GLYR1: variants seen among roughly 807,000 people sequenced by gnomAD.
GLYR1 encodes glyoxylate reductase 1 homolog, also known as cytokine-like nuclear factor N-PAC.
GLYR1 carries 21 observed loss-of-function variants against 72.7 expected under a neutral mutation model. The observed-to-expected ratio is 0.29, with a 90% CI of 0.20 to 0.42. The LOEUF is 0.42. Ranked by LOEUF, GLYR1 falls within the 10% of genes least tolerant of loss-of-function variation. The pLI is 1.00. For synonymous variants in GLYR1, 392 were observed against 270.2 expected (o/e 1.45, Z -4.42); for missense variants, 594 against 712.1 (o/e 0.83, Z 1.89).
chr16:4,823,388 C>G (rs918831607), intron 6 of GLYR1, among the ~76,000 whole-genome samples: 1 of 152,190 alleles, frequency 6.6e-6, no homozygotes, highest in African/African-American at 2.4e-5. Context: ...GACAGTGGAC[C>G]TTCATGGGCT....
At chr16:4,822,237 C>T (rs1022535499) in intron 7 of GLYR1, among the ~76,000 whole-genome samples, 2 of 152,204 alleles carry the variant, frequency 1.3e-5, no homozygotes, top group Non-Finnish European at 2.9e-5. Flanking sequence ...CAGGAATGCA[C>T]CACCATGCCC....
chr16:4,813,572 G>A (rs1168224230), intron 12 of GLYR1, among the ~76,000 whole-genome samples, 165 bp downstream of exon 12: 7 of 152,332 alleles, frequency 4.6e-5, no homozygotes, highest in East Asian at 1.9e-4. Flanking sequence ...GACTAGCTGC[G>A]GTTTGAAGGT....
chr16:4,847,098 G>A (rs1355726197), intron 1 of GLYR1, 130 bp downstream of exon 1: 8 of 870,860 alleles, frequency 9.2e-6, no homozygotes, highest in Non-Finnish European at 1.3e-5. Context: ...CGCAAGCGCC[G>A]GCACCTTCTC....
chr16:4,836,024 C>A (rs556442509), intron 3 of GLYR1, among the ~76,000 whole-genome samples: 79 of 152,192 alleles, frequency 5.2e-4, no homozygotes, highest in African/African-American at 1.9e-3. Flanking sequence ...GTCTCGAACT[C>A]CTGAACTCAA....
intron 5 of GLYR1, among the ~76,000 whole-genome samples, chr16:4,828,268 A>C (rs1183803587): frequency 6.6e-6 from 1 of 151,668 alleles, no homozygotes; most frequent in African/African-American, 2.4e-5. Context: ...ACGGGGTTTC[A>C]CCGTGTTAGC....
intron 3 of GLYR1, chr16:4,839,212 T>G (rs956227424): frequency 6.6e-6 from 1 of 152,040 alleles, no homozygotes; most frequent in Non-Finnish European, 1.5e-5. Context: ...CACACAAGCA[T>G]AGAGTATAAA....
At chr16:4,806,328 A>G (rs2082966296) in intron 15 of GLYR1, among the ~76,000 whole-genome samples, 1 of 152,022 alleles carries the variant, frequency 6.6e-6, no homozygotes, top group Non-Finnish European at 1.5e-5. Flanking sequence ...AAGTTTTTAC[A>G]TTTAATGGGA....
At chr16:4,827,670 G>GCC (rs1311528937) in intron 5 of GLYR1, among the ~76,000 whole-genome samples, 1 of 151,974 alleles carries the variant, frequency 6.6e-6, no homozygotes, top group East Asian at 1.9e-4. Context: ...GGAGGCCGAG[G>GCC]CAGGTGGATC....
intron 5 of GLYR1, among the ~76,000 whole-genome samples, chr16:4,828,360 C>T (rs756237857): frequency 9.9e-5 from 15 of 152,020 alleles, no homozygotes; most frequent in Non-Finnish European, 2.1e-4. Flanking sequence ...TGAGCCACCG[C>T]GCCCGGCAAA....
At chr16:4,824,694 G>A (rs1314707197) in intron 5 of GLYR1, among the ~76,000 whole-genome samples, 1 of 152,090 alleles carries the variant, frequency 6.6e-6, no homozygotes, top group Non-Finnish European at 1.5e-5. Flanking sequence ...GGACACAGGA[G>A]GACATGGTGA....
At chr16:4,805,631 A>C (rs1201517946) in intron 15 of GLYR1, among the ~76,000 whole-genome samples, 2 of 152,208 alleles carry the variant, frequency 1.3e-5, no homozygotes, top group Admixed American at 1.3e-4. Flanking sequence ...ACCTGAAGTC[A>C]GGAGTTCGAG....
At position 4,817,618 on chromosome 16, in the gene GLYR1, A is replaced by T; in HGVS notation, c.886T>A (p.Trp296Arg). ...CTTACTTTCTCTGCAGTGCGGTTCC[A>T]GACAGTCACTGTGTGACCCATTTTT... ...LLKMGHTVTV[W>R]NRTAEKCDLF... The change falls in exon 10 of 16, where the codon TGG (tryptophan) becomes AGG (arginine). Residue 296 changes from tryptophan to arginine, a missense_variant. Trp to Arg is a moderately radical substitution (Grantham distance 101). Transcript: ENST00000321919. 1 of 1,612,224 alleles carries T rather than the reference A, an allele frequency of 6.2e-7. No individual in the cohort carries two copies.
chr16:4,823,997 C>G (rs1317670395), intron 5 of GLYR1, 90 bp from the exon 6 acceptor site: 5 of 1,009,246 alleles, frequency 5.0e-6, no homozygotes, highest in Non-Finnish European at 6.2e-6. Context: ...AAAGTTCAAG[C>G]CAATCCCCAA....
intron 6 of GLYR1, among the ~76,000 whole-genome samples, chr16:4,823,286 T>C (rs1179781027): frequency 6.6e-6 from 1 of 152,250 alleles, no homozygotes; most frequent in African/African-American, 2.4e-5. Flanking sequence ...ACATCTATTC[T>C]GGAATTTCAG....
rs1054037850 is a variant in GLYR1 at position 4,803,715 on chromosome 16, C to T, written c.*1521G>A. 6.6e-6 allele frequency: 1 copy of T among 152,162 alleles called. No individual in the cohort carries two copies. The highest frequency in any genetic ancestry group is 1.5e-5 in the Non-Finnish European group (1 of 68,028). 9.4% of individuals were successfully genotyped at this position (152,162 alleles called of 1,614,324 possible). ...CCTCCCCCCACTCGTCTTCTGCAATCCTCTAACCCAGTTTCTAATCTCTGA... is the reference window on the plus strand; with the variant it reads ...CCTCCCCCCACTCGTCTTCTGCAATTCTCTAACCCAGTTTCTAATCTCTGA... On this transcript the variant is annotated 3_prime_UTR_variant, in exon 16 of 16. Coordinates refer to ENST00000321919, the MANE Select transcript of GLYR1 (RefSeq NM_032569.4).
rs1324378337 is a variant in GLYR1, at chr16:4,812,304, C to A, written c.1120-56G>T. On this transcript the variant is annotated intron_variant, in intron 12 of 15. Transcript: ENST00000321919. ...CTCCCCTCTCCCAGCGCTCTCTGGG[C>A]AGGACTCAAGGAGTGTTGCTGAGTG... 6 of 1,561,784 alleles carry A rather than the reference C, an allele frequency of 3.8e-6. No individual in the cohort carries two copies. The African/African-American group carries it at 8.2e-5, about 21-fold the overall frequency.
chr16:4,818,334 G>A (rs2083786145), intron 9 of GLYR1, among the ~76,000 whole-genome samples: 1 of 151,888 alleles, frequency 6.6e-6, no homozygotes, highest in Admixed American at 6.6e-5. Context: ...TTGTTCTGTT[G>A]CCCAGGCTGC....
chr16:4,843,688 G>A, intron 3 of GLYR1: 1 of 1,232,502 alleles, frequency 8.1e-7, no homozygotes, highest in Non-Finnish European at 1.1e-6. Flanking sequence ...CGCTTTCTAA[G>A]TAGAAATACT....
At chr16:4,838,046 TTGG>T in intron 3 of GLYR1, among the ~76,000 whole-genome samples, 1 of 151,916 alleles carries the variant, frequency 6.6e-6, no homozygotes, top group Non-Finnish European at 1.5e-5. Flanking sequence ...CCATTTGGAT[TTGG>T]TGAATACTTA....
Sources: allele counts gnomAD v4.1 joint callset (sites outside exome capture counted in the v4.1 genomes callset), GRCh38; gene constraint gnomAD v4.1.1; transcripts MANE v1.5; gene names NCBI Gene and HGNC (gene_info 2026-07-23, HGNC 2026-07-21).